ABHD2: variants seen among roughly 807,000 people sequenced by gnomAD.
ABHD2 encodes the protein abhydrolase domain containing 2, acylglycerol lipase, also known as monoacylglycerol lipase ABHD2.
Under a neutral mutation model 48.1 loss-of-function variants are expected in ABHD2, and 20 were observed. The ratio of observed to expected loss-of-function variants is 0.42; its 90% CI spans 0.29 to 0.60. ABHD2 has a LOEUF of 0.60. Among genes scored for constraint, ABHD2 ranks in the 20% least tolerant of loss-of-function variants. The probability of loss-of-function intolerance (pLI) is 0.24; values close to 1 mark genes in which losing one functional copy is unlikely to be tolerated. For missense variants in ABHD2, 405 were observed against 550.9 expected (o/e 0.74, Z 2.65); for synonymous variants, 209 against 214.2 (o/e 0.98, Z 0.21).
At position 89,091,476 on chromosome 15, in the gene ABHD2, AT is replaced by A. The variant is rs796646357; in HGVS notation, c.-107+2917del. 5.3e-5 allele frequency among the ~76,000 whole-genome samples: 8 copies of A among 152,082 alleles called. No individual in the cohort carries two copies. The South Asian group carries it at 1.5e-3, about 28-fold the overall frequency. On this transcript the variant is annotated intron_variant, in intron 1 of 10. Transcript: ENST00000352732. The surrounding 1 kb of genome is among the most constrained non-coding windows in gnomAD (Gnocchi z 5.5). ...CTCTTTCTCACTCTCTTTTCTCAGT[AT>A]TTTGGTGGATGAGCTTCTCATTTGC...
intron 1 of ABHD2, among the ~76,000 whole-genome samples, chr15:89,109,069 C>G (rs1276354202): frequency 6.6e-6 from 1 of 152,216 alleles, no homozygotes. Flanking sequence ...CACTAGGACC[C>G]AGGTCTCAGA....
upstream of ABHD2, among the ~76,000 whole-genome samples, chr15:89,086,316 T>G (rs1901343038): frequency 6.6e-6 from 1 of 152,252 alleles, no homozygotes; most frequent in Non-Finnish European, 1.5e-5. Context: ...CTTGAGCCAC[T>G]GTGCCCAGCC....
At position 89,185,721 on chromosome 15, in the gene ABHD2, C is replaced by G. The variant is rs1323026209; in HGVS notation, c.815+205C>G. 1.3e-5 allele frequency among the ~76,000 whole-genome samples: 2 copies of G among 152,204 alleles called. No homozygotes were observed. Among genetic ancestry groups the G allele is most frequent in the Admixed American group, 1.3e-4 (2 of 15,274 alleles). ...CGGTGGCTCACGCCTGTAACCCCAG[C>G]ACTTTGGGAAGCTGAGGCGGGCAGA... On this transcript the variant is annotated intron_variant, in intron 7 of 10. Transcript: ENST00000352732. The surrounding 1 kb of genome is among the most constrained non-coding windows in gnomAD (Gnocchi z 5.9).
At position 89,167,849 on chromosome 15, in the gene ABHD2, C is replaced by T. The variant is rs187370843; in HGVS notation, c.539-7963C>T. ...CTGTCAGCGAGCCATGTTAGCTTAA[C>T]TGTATTTTTCTCTTAGGCTAAACTT... is the stretch of plus-strand genomic sequence containing the variant. On this transcript the variant is annotated intron_variant, in intron 5 of 10. Coordinates refer to ENST00000352732, the MANE Select transcript of ABHD2 (RefSeq NM_152924.5). The surrounding 1 kb of genome is among the most constrained non-coding windows in gnomAD (Gnocchi z 5.5). Among the ~76,000 whole-genome samples the T allele has an allele frequency of 3.1e-4, 47 of 152,342 alleles. No individual in the cohort carries two copies. The highest frequency in any genetic ancestry group is 1.1e-3 in the African/African-American group (44 of 41,582).
At chr15:89,187,632 A>G (rs2150947624) in intron 7 of ABHD2, among the ~76,000 whole-genome samples, 1 of 152,118 alleles carries the variant, frequency 6.6e-6, no homozygotes, top group South Asian at 2.1e-4. Context: ...TGCTGGTTCC[A>G]CTTGGGGGTT....
At chr15:89,081,812 C>T in the ABHD2 span, among the ~76,000 whole-genome samples, 1 of 152,140 alleles carries the variant, frequency 6.6e-6, no homozygotes, top group South Asian at 2.1e-4. Context: ...GGTCGTGCCA[C>T]TGTACTCCAG....
chr15:89,057,055 A>G, the ABHD2 span, among the ~76,000 whole-genome samples: 1 of 151,872 alleles, frequency 6.6e-6, no homozygotes, highest in East Asian at 1.9e-4. Context: ...CTGGGATTAC[A>G]GGCACACGCC....
At chr15:89,187,930 C>G (rs977328796) in intron 7 of ABHD2, among the ~76,000 whole-genome samples, 26 of 152,214 alleles carry the variant, frequency 1.7e-4, no homozygotes, top group Admixed American at 3.3e-4. Flanking sequence ...CTTGAGCCCC[C>G]CTCCCCTGTG....
At chr15:89,172,158 A>T (rs915107979) in intron 5 of ABHD2, among the ~76,000 whole-genome samples, 13 of 152,168 alleles carry the variant, frequency 8.5e-5, no homozygotes, top group African/African-American at 2.9e-4. Flanking sequence ...TAAAATGTAC[A>T]TAACAAAATT....
At chr15:89,054,501 T>C in the ABHD2 span, among the ~76,000 whole-genome samples, 1 of 151,486 alleles carries the variant, frequency 6.6e-6, no homozygotes, top group Non-Finnish European at 1.5e-5. Context: ...ACCAACAGGA[T>C]GAAACCCCAT....
chr15:89,118,044 C>T (rs947283006), intron 3 of ABHD2, among the ~76,000 whole-genome samples: 3 of 152,170 alleles, frequency 2.0e-5, no homozygotes, highest in African/African-American at 4.8e-5. Flanking sequence ...GTAGCCTCCA[C>T]AGCCAGGCAC....
chr15:89,154,032 A>T (rs747035040), intron 4 of ABHD2, among the ~76,000 whole-genome samples: 4 of 152,216 alleles, frequency 2.6e-5, no homozygotes, highest in Non-Finnish European at 5.9e-5. Flanking sequence ...TTCATCAGAA[A>T]ATTTTAGGCA....
chr15:89,190,399 G>A lies in ABHD2; in HGVS notation c.927-681G>A, dbSNP rs183281767. The stretch of plus-strand genomic sequence containing the variant: ...CTCTATTGCTCTGTAGTCAGAGATC[G>A]GAGCAGTAGTCAGAGATAAAGGGAC... On this transcript the variant is annotated intron_variant, in intron 8 of 10. Transcript: ENST00000352732. Among the ~76,000 whole-genome samples, 8 of 152,256 alleles carry A rather than the reference G, an allele frequency of 5.3e-5. No homozygotes were observed. In the East Asian group the frequency reaches 9.7e-4, roughly 18 times the overall value.
chr15:89,046,051 A>C, the ABHD2 span, among the ~76,000 whole-genome samples: 1 of 152,136 alleles, frequency 6.6e-6, no homozygotes, highest in Non-Finnish European at 1.5e-5. Context: ...GATAGCTCTT[A>C]TTATTTTGAA....
At chr15:89,181,707 T>TC (rs967636150) in intron 6 of ABHD2, among the ~76,000 whole-genome samples, 3 of 152,236 alleles carry the variant, frequency 2.0e-5, no homozygotes, top group Non-Finnish European at 4.4e-5. Flanking sequence ...ATGCATTCTT[T>TC]CCCCAGTTCA....
intron 3 of ABHD2, among the ~76,000 whole-genome samples, chr15:89,139,134 A>G (rs570161163): frequency 6.6e-6 from 1 of 152,118 alleles, no homozygotes. Flanking sequence ...TTGCTTGAGC[A>G]TGGGAGGTTA....
At chr15:89,118,212 C>T (rs2049992711) in intron 3 of ABHD2, among the ~76,000 whole-genome samples, 1 of 151,524 alleles carries the variant, frequency 6.6e-6, no homozygotes, top group Non-Finnish European at 1.5e-5. Context: ...GAGACAGAGT[C>T]TCACTCTGTC....
intron 1 of ABHD2, among the ~76,000 whole-genome samples, chr15:89,105,380 T>C (rs1361438461): frequency 6.6e-6 from 1 of 152,242 alleles, no homozygotes; most frequent in Non-Finnish European, 1.5e-5. Context: ...CTGCATTGGG[T>C]AACTTGACTC....
intron 1 of ABHD2, among the ~76,000 whole-genome samples, chr15:89,109,841 G>A (rs2049845562): frequency 6.6e-6 from 1 of 152,034 alleles, no homozygotes; most frequent in South Asian, 2.1e-4. Flanking sequence ...ATTTTATACA[G>A]TCGTTCCTGT....
Sources: gnomAD v4.1 joint callset for allele counts (sites outside exome capture counted in the v4.1 genomes callset) on GRCh38, gnomAD v4.1.1 for gene constraint, Gnocchi (gnomAD v3.1) non-coding constraint, MANE v1.5 for transcripts, NCBI Gene and HGNC (gene_info 2026-07-23, HGNC 2026-07-21) for gene names.